Variants in ADGRB3 observed in about 807,000 individuals in gnomAD.
The protein encoded by ADGRB3 is adhesion G protein-coupled receptor B3.
In ADGRB3, 37 loss-of-function variants were observed where a neutral mutation model predicts 193.4. That is an observed-to-expected ratio of 0.19 (90% confidence interval 0.15 to 0.25). The LOEUF (loss-of-function observed/expected upper bound fraction) is 0.25. ADGRB3 is among the 10% of genes least tolerant of loss of function. The pLI is 1.00. For synonymous variants in ADGRB3, 690 were observed against 644.2 expected, an observed-to-expected ratio of 1.07 and a Z score of -1.08; for missense variants, 1,637 against 1,852.9, an observed-to-expected ratio of 0.88 and a Z score of 2.14.
intron 17 of ADGRB3, among the ~76,000 whole-genome samples, chr6:69,196,508 T>C (rs976072633): frequency 1.3e-5 from 2 of 152,134 alleles, no homozygotes; most frequent in Non-Finnish European, 2.9e-5. Context: ...TTACTTTATC[T>C]TTACATAGCC....
intron 17 of ADGRB3, among the ~76,000 whole-genome samples, chr6:69,172,864 G>A (rs574779255): frequency 6.6e-6 from 1 of 152,014 alleles, no homozygotes; most frequent in Admixed American, 6.6e-5. Flanking sequence ...TCTGGGCTGA[G>A]AGAGCAGACA....
At chr6:68,970,403 G>A (rs1313874410) in intron 8 of ADGRB3, among the ~76,000 whole-genome samples, 1 of 151,734 alleles carries the variant, frequency 6.6e-6, no homozygotes, top group Non-Finnish European at 1.5e-5. Flanking sequence ...TTCTGCTTCA[G>A]CACCTGTAGC....
chr6:69,259,783 T>G (rs1766881272), intron 20 of ADGRB3, among the ~76,000 whole-genome samples: 1 of 152,062 alleles, frequency 6.6e-6, no homozygotes, highest in Admixed American at 6.5e-5. Context: ...TCTTAGCATT[T>G]AATTCAACAA....
At position 68,979,349 on chromosome 6, in the gene ADGRB3, A is replaced by G. The variant is rs943932088; in HGVS notation, c.1734+4009A>G. Reference sequence around the variant, plus strand: ...TTCATGTGCAATTTCTCCAGCCCCCAAATACCTAGAAATGTGTAGTGATTG... The same window carrying G: ...TTCATGTGCAATTTCTCCAGCCCCCGAATACCTAGAAATGTGTAGTGATTG... On this transcript the variant is annotated intron_variant, in intron 10 of 31. Transcript: ENST00000370598. 4.6e-5 allele frequency among the ~76,000 whole-genome samples: 7 copies of G among 151,488 alleles called. 1 individual carries two copies.
intron 26 of ADGRB3, among the ~76,000 whole-genome samples, chr6:69,352,855 T>C (rs1315361103): frequency 6.6e-6 from 1 of 152,248 alleles, no homozygotes. Context: ...CTTATATCAC[T>C]GCTTCTCAAA....
intron 17 of ADGRB3, among the ~76,000 whole-genome samples, chr6:69,171,060 A>G (rs1775258966): frequency 6.6e-6 from 1 of 152,236 alleles, no homozygotes; most frequent in African/African-American, 2.4e-5. Flanking sequence ...AAGATATTTT[A>G]TTTAACCCAA....
At chr6:69,308,605 G>A (rs946670264) in intron 20 of ADGRB3, among the ~76,000 whole-genome samples, 1 of 151,670 alleles carries the variant, frequency 6.6e-6, no homozygotes, top group African/African-American at 2.4e-5. Flanking sequence ...AATTTTGACT[G>A]TTAGTTGTAG....
intron 17 of ADGRB3, among the ~76,000 whole-genome samples, chr6:69,134,334 A>T (rs1156386970): frequency 2.0e-5 from 3 of 152,098 alleles, no homozygotes; most frequent in African/African-American, 7.2e-5. Flanking sequence ...GCATTTCCTC[A>T]TCATTGTAAC....
intron 17 of ADGRB3, among the ~76,000 whole-genome samples, chr6:69,210,109 TACAC>T (rs151244765): frequency 2.2e-5 from 3 of 134,458 alleles, no homozygotes; most frequent in Non-Finnish European, 3.1e-5. Flanking sequence ...TGTATATAGA[TACAC>T]ACACACACTC....
chr6:69,107,978 C>T (rs551810035), intron 17 of ADGRB3, among the ~76,000 whole-genome samples: 2 of 151,466 alleles, frequency 1.3e-5, no homozygotes, highest in African/African-American at 4.9e-5. Context: ...CCCCAAACCT[C>T]AGTACCATGC....
intron 5 of ADGRB3, among the ~76,000 whole-genome samples, chr6:68,943,455 T>C (rs1767695050): frequency 6.6e-6 from 1 of 152,112 alleles, no homozygotes; most frequent in Admixed American, 6.5e-5. Context: ...AACTGAACTC[T>C]AGGAGATTAT....
intron 3 of ADGRB3, among the ~76,000 whole-genome samples, chr6:68,798,394 A>G (rs1767250311): frequency 6.6e-6 from 1 of 152,132 alleles, no homozygotes; most frequent in South Asian, 2.1e-4. Context: ...ATGCAATGGA[A>G]TACTAAATAC....
chr6:69,234,440 T>C lies in ADGRB3; in HGVS notation c.2608-592T>C, dbSNP rs1291735146. 6.6e-5 allele frequency among the ~76,000 whole-genome samples: 10 copies of C among 152,258 alleles called. No individual in the cohort carries two copies. The South Asian group carries it at 2.1e-3, about 32-fold the overall frequency. ...TTCATTGAAAAAAAATCACAAAATA[T>C]ACTTGAAGGTTTTAAATTTGACGTT... On this transcript the variant is annotated intron_variant, in intron 18 of 31. Coordinates refer to ENST00000370598, the MANE Select transcript of ADGRB3 (RefSeq NM_001704.3).
intron 3 of ADGRB3, among the ~76,000 whole-genome samples, chr6:68,842,067 C>A (rs1043507966): frequency 1.3e-5 from 2 of 151,820 alleles, no homozygotes; most frequent in Admixed American, 1.3e-4. Flanking sequence ...GAAGTGGATA[C>A]CCTATTTACC....
intron 31 of ADGRB3, among the ~76,000 whole-genome samples, chr6:69,383,712 A>G (rs528933950): frequency 1.5e-3 from 222 of 152,130 alleles, no homozygotes; most frequent in African/African-American, 4.9e-3. Flanking sequence ...TAATTAATGT[A>G]TATCTTCCGT....
At chr6:69,332,172 A>C in intron 23 of ADGRB3, 1 of 985,458 alleles carries the variant, frequency 1.0e-6, no homozygotes, top group Non-Finnish European at 1.2e-6. Context: ...AAGCTGGTAC[A>C]AATAGACATC....
chr6:68,825,188 T>C (rs12208199), intron 3 of ADGRB3, among the ~76,000 whole-genome samples: 20,325 of 152,164 alleles, frequency 0.13, 1,841 homozygotes, highest in Non-Finnish European at 0.2. Context: ...ACTTATGCTT[T>C]AATTTTTTTT....
chr6:69,378,237 A>C (rs1045068761), intron 30 of ADGRB3, among the ~76,000 whole-genome samples: 2 of 152,070 alleles, frequency 1.3e-5, no homozygotes, highest in Admixed American at 6.6e-5. Flanking sequence ...CATGGAGCTT[A>C]TGGGCTCACT....
rs574157044 is a variant in ADGRB3, at chr6:68,796,228, T to G, written c.758-134331T>G. Among the ~76,000 whole-genome samples the G allele has an allele frequency of 4.9e-4, 74 of 152,254 alleles. 2 individuals are homozygous for G. In the South Asian group the frequency reaches 0.015, roughly 31 times the overall value. ...GCATCTAGATCGAGCTCTATATTGA[T>G]CCAAAGTATTCCATTCTGTGTTTTA... is the stretch of plus-strand genomic sequence containing the variant. On this transcript the variant is annotated intron_variant, in intron 3 of 31. Transcript: ENST00000370598.
Sources: gnomAD v4.1 joint callset for allele counts (sites outside exome capture counted in the v4.1 genomes callset) on GRCh38, gnomAD v4.1.1 for gene constraint, MANE v1.5 for transcripts, NCBI Gene and HGNC (gene_info 2026-07-23, HGNC 2026-07-21) for gene names.